The following ARRDC1 variants were observed in gnomAD, a reference collection of about 807,000 sequenced individuals.
The protein encoded by ARRDC1 is arrestin domain containing 1, also known as arrestin domain-containing protein 1.
Under a neutral mutation model 40.1 loss-of-function variants are expected in ARRDC1, and 37 were observed. That is an observed-to-expected ratio of 0.92 (90% CI 0.71 to 1.21). The LOEUF (loss-of-function observed/expected upper bound fraction) is 1.21. ARRDC1 is among the 50% of genes most tolerant of loss of function. ARRDC1 has a pLI of 0.00. For synonymous variants in ARRDC1, 310 were observed against 262.5 expected, an observed-to-expected ratio of 1.18 and a Z score of -1.75; for missense variants, 641 against 581.9, an observed-to-expected ratio of 1.10 and a Z score of -1.04.
chr9:137,612,994 C>G lies in ARRDC1; in HGVS notation c.217C>G (p.Leu73Val), dbSNP rs1311724115. 1 of 1,613,608 alleles carries G rather than the reference C, an allele frequency of 6.2e-7. No homozygotes were observed. Among genetic ancestry groups the G allele is most frequent in the Non-Finnish European group, 8.5e-7 (1 of 1,179,700 alleles). ...GGGTTACTTCAACAGTTCCCTGTCG[C>G]TGGCAGACAAGGGTAAGTTTGGGAG... is the stretch of plus-strand genomic sequence containing the variant. ...EEGYFNSSLS[L>V]ADKGSLPAGE... The change falls in exon 2 of 8, where the codon CTG becomes GTG. Residue 73 changes from leucine to valine, a missense_variant. By Grantham distance (32) the Leu-to-Val change is conservative. Transcript: ENST00000371421.
chr9:137,609,565 T>A (rs536239533), intron 1 of ARRDC1, among the ~76,000 whole-genome samples: 9 of 151,694 alleles, frequency 5.9e-5, no homozygotes, highest in Middle Eastern at 6.8e-3. Flanking sequence ...AGATGAGGTC[T>A]CACTTTGTCA....
chr9:137,610,394 T>G (rs1457733067), intron 1 of ARRDC1, among the ~76,000 whole-genome samples: 2 of 152,024 alleles, frequency 1.3e-5, no homozygotes, highest in Non-Finnish European at 2.9e-5. Context: ...TTCCAGCATT[T>G]TTCTTTTTTT....
At chr9:137,609,846 T>C (rs1365721024) in intron 1 of ARRDC1, among the ~76,000 whole-genome samples, 1 of 152,026 alleles carries the variant, frequency 6.6e-6, no homozygotes, top group Admixed American at 6.5e-5. Flanking sequence ...ATTTAATATT[T>C]GTCAATCTGA....
chr9:137,614,639 C>T lies in ARRDC1; in HGVS notation c.876C>T (p.Ser292=), dbSNP rs566856232. ...GNIAVNHAPV[S]PRPGLGLPPG... ...TTGCTGTGAACCATGCCCCAGTGAG[C>T]CCCCGGCCAGGCCTGGGGCTGCCTC... Residue 292 remains serine (S), a synonymous_variant, in exon 7 of 8, where the codon AGC becomes AGT. Transcript: ENST00000371421. 2.5e-6 allele frequency: 4 copies of T among 1,612,920 alleles called. No individual in the cohort carries two copies. The highest frequency in any genetic ancestry group is 1.3e-5 in the African/African-American group (1 of 75,028).
Position 137,613,488 on chromosome 9 carries a change from C to T in ARRDC1, c.258C>T (p.Phe86=). The change falls in exon 3 of 8, where the codon TTC becomes TTT. Residue 86 remains phenylalanine (F), a synonymous_variant. Coordinates refer to ENST00000371421, the MANE Select transcript of ARRDC1 (RefSeq NM_152285.4). ...GCCTGCCCGCTGGAGAGCACAGCTT[C>T]CCCTTCCAGTTCCTGCTTCCTGGTG... is the stretch of plus-strand genomic sequence containing the variant. The part of the protein sequence containing the change: ...KGSLPAGEHS[F]PFQFLLPATA... The T allele has an allele frequency of 6.2e-7, 1 of 1,613,350 alleles. No homozygotes were observed. Among genetic ancestry groups the T allele is most frequent in the Non-Finnish European group, 8.5e-7 (1 of 1,179,906 alleles).
Position 137,607,639 on chromosome 9 carries a change from C to T in ARRDC1, c.118+1804C>T, listed in dbSNP as rs1163761031. Among the ~76,000 whole-genome samples the T allele has an allele frequency of 2.0e-5, 3 of 152,220 alleles. No homozygotes were observed. In the East Asian group the frequency reaches 5.8e-4, roughly 29 times the overall value. ...TTCTCTCCACGTGCCACGGGCCAGC[C>T]TCAGTTAACCCTCAGCGCCCTGGCA... On this transcript the variant is annotated intron_variant, in intron 1 of 7. Transcript: ENST00000371421.
rs1286117682 is a variant in ARRDC1, at chr9:137,614,378, G to A, written c.698G>A (p.Trp233Ter). 1 of 1,613,018 alleles carries A rather than the reference G, an allele frequency of 6.2e-7. No individual in the cohort carries two copies. The highest frequency in any genetic ancestry group is 1.7e-5 in the Admixed American group (1 of 59,972). ...AEVEGAGVKA[W>*]RRAQWHEQIL... ...GTGGAGGGTGCGGGCGTCAAGGCCTGGCGGCGGGCGCAGTGGCACGAGCAG... is the reference window on the plus strand; with the variant it reads ...GTGGAGGGTGCGGGCGTCAAGGCCTAGCGGCGGGCGCAGTGGCACGAGCAG... The change falls in exon 6 of 8, where the codon TGG (tryptophan) becomes TAG (stop). Residue 233 changes from tryptophan (W) to a stop codon, truncating the protein, a stop_gained. Coordinates refer to ENST00000371421, the MANE Select transcript of ARRDC1 (RefSeq NM_152285.4). LOFTEE classifies it high-confidence loss of function.
intron 1 of ARRDC1, among the ~76,000 whole-genome samples, chr9:137,609,934 C>A (rs1842484226): frequency 6.6e-6 from 1 of 152,168 alleles, no homozygotes; most frequent in Non-Finnish European, 1.5e-5. Context: ...CTGCCTCAGC[C>A]TCCTGAGTAG....
rs1842655800 is a variant in ARRDC1, at chr9:137,615,358, A to G, written c.*220A>G. 1.8e-6 allele frequency: 1 copy of G among 550,932 alleles called. No individual in the cohort carries two copies. The highest frequency in any genetic ancestry group is 3.1e-5 in the South Asian group (1 of 31,842). The allele number at this position is 550,932 out of a possible 1,614,324, so 34.1% of individuals were successfully genotyped here. Reference sequence around the variant, plus strand: ...CCTGTAAATAAAACACTTTATTTGTAGAGCTGGGCCTCACCGGCCTCGCCT... The same window carrying G: ...CCTGTAAATAAAACACTTTATTTGTGGAGCTGGGCCTCACCGGCCTCGCCT... On this transcript the variant is annotated 3_prime_UTR_variant, in exon 8 of 8. Transcript: ENST00000371421.
At chr9:137,613,068 G>C in intron 2 of ARRDC1, 62 bp downstream of exon 2, 1 of 1,225,590 alleles carries the variant, frequency 8.2e-7, no homozygotes, top group Non-Finnish European at 1.2e-6. Flanking sequence ...AGTGGGGCCT[G>C]TCTGTCCTGT....
chr9:137,613,211 T>G lies in ARRDC1; in HGVS notation c.229+205T>G, dbSNP rs1842570663. On this transcript the variant is annotated intron_variant, in intron 2 of 7. Coordinates refer to ENST00000371421, the MANE Select transcript of ARRDC1 (RefSeq NM_152285.4). ...ACCTCCCCCTTGTGCTGGATTTGGG[T>G]GGGCTCTGACCCCTGGCACAGCTGT... 79 of 738,972 alleles carry G rather than the reference T, an allele frequency of 1.1e-4. 2 individuals are homozygous for G. In the South Asian group the frequency reaches 1.1e-3, roughly 11 times the overall value. The allele number at this position is 738,972 out of a possible 1,614,324, so 45.8% of individuals were successfully genotyped here.
At chr9:137,605,877 G>A in intron 1 of ARRDC1, 42 bp downstream of exon 1, 2 of 1,154,456 alleles carry the variant, frequency 1.7e-6, no homozygotes, top group Non-Finnish European at 1.1e-6. Flanking sequence ...CCGCACCTGC[G>A]CGGGGCCAGG....
At chr9:137,607,711 G>T (rs1326931576) in intron 1 of ARRDC1, among the ~76,000 whole-genome samples, 1 of 152,218 alleles carries the variant, frequency 6.6e-6, no homozygotes, top group Admixed American at 6.5e-5. Flanking sequence ...AAACAGGACT[G>T]GGGGAGTGGC....
In ARRDC1 at chr9:137,614,672, C is replaced by T. The variant is rs199874801; in HGVS notation, c.909C>T (p.Ala303=). ...PRPGLGLPPG[A]PPLVVPSAPP... ...CAGGCCTGGGGCTGCCTCCTGGGGC[C>T]CCACCCCTGGTGGTGCCTTCCGCAC... The change falls in exon 7 of 8, where the codon GCC becomes GCT. Residue 303 remains alanine (A), a synonymous_variant. Transcript: ENST00000371421. 8 of 1,612,506 alleles carry T rather than the reference C, an allele frequency of 5.0e-6. No individual in the cohort carries two copies. The African/African-American group carries it at 6.7e-5, about 13-fold the overall frequency.
At chr9:137,609,274 C>G (rs1252599083) in intron 1 of ARRDC1, among the ~76,000 whole-genome samples, 1 of 152,156 alleles carries the variant, frequency 6.6e-6, no homozygotes, top group Non-Finnish European at 1.5e-5. Context: ...TCTTGTTACC[C>G]AGGCTGGAGT....
chr9:137,608,031 G>A (rs1351721269), intron 1 of ARRDC1, among the ~76,000 whole-genome samples: 1 of 152,130 alleles, frequency 6.6e-6, no homozygotes, highest in Non-Finnish European at 1.5e-5. Context: ...CGCCCAGGCT[G>A]GAGTGTGCCG....
chr9:137,615,047 C>G (rs552792074), intron 7 of ARRDC1, 27 bp from the exon 8 acceptor site: 1 of 1,610,270 alleles, frequency 6.2e-7, no homozygotes, highest in Non-Finnish European at 8.5e-7. Context: ...CCAAGAGCCC[C>G]ACGCAGACCC....
intron 1 of ARRDC1, among the ~76,000 whole-genome samples, chr9:137,607,140 A>T (rs1842437920): frequency 6.6e-6 from 1 of 152,174 alleles, no homozygotes; most frequent in Non-Finnish European, 1.5e-5. Context: ...GAGGGTCGTG[A>T]GCTAAGGAGT....
At chr9:137,607,220 CG>C (rs2133325717) in intron 1 of ARRDC1, among the ~76,000 whole-genome samples, 1 of 152,332 alleles carries the variant, frequency 6.6e-6, no homozygotes, top group Admixed American at 6.5e-5. Flanking sequence ...GAGGGTGTAC[CG>C]GGGCCCCCGG....
Sources: gnomAD v4.1 joint callset for allele counts (sites outside exome capture counted in the v4.1 genomes callset) on GRCh38, gnomAD v4.1.1 for gene constraint, MANE v1.5 for transcripts, NCBI Gene and HGNC (gene_info 2026-07-23, HGNC 2026-07-21) for gene names.